Variants in LUZP2 observed in about 807,000 individuals in gnomAD.
LUZP2 encodes the protein leucine zipper protein 2.
LUZP2 carries 52 observed loss-of-function variants against 51.6 expected under a neutral mutation model. That is an observed-to-expected ratio of 1.01 (90% CI 0.81 to 1.27). The LOEUF is 1.27. Ranked by LOEUF, LUZP2 falls within the 50% of genes most tolerant of loss-of-function variation. The probability of loss-of-function intolerance (pLI) is 0.00; values close to 1 mark genes in which losing one functional copy is unlikely to be tolerated. For missense variants in LUZP2, 436 were observed against 395.4 expected (o/e 1.10, Z -0.87); for synonymous variants, 154 against 137.3 (o/e 1.12, Z -0.85).
chr11:25,035,296 A>C (rs192930477), intron 9 of LUZP2, among the ~76,000 whole-genome samples: 106 of 152,234 alleles, frequency 7.0e-4, no homozygotes, highest in African/African-American at 2.4e-3. Flanking sequence ...CATAAAAAAA[A>C]CTTCCAAAAG....
chr11:24,628,780 A>G (rs534963723), intron 1 of LUZP2, among the ~76,000 whole-genome samples: 122 of 152,218 alleles, frequency 8.0e-4, no homozygotes, highest in African/African-American at 2.8e-3. Context: ...GCTGATCTGG[A>G]ACTCCTGACC....
intron 9 of LUZP2, among the ~76,000 whole-genome samples, chr11:24,999,274 G>C (rs1195802864): frequency 6.6e-6 from 1 of 151,876 alleles, no homozygotes; most frequent in Admixed American, 6.6e-5. Context: ...ATTTCCAGAG[G>C]TATAGTAAAC....
chr11:24,515,705 G>A (rs745510094), intron 1 of LUZP2, among the ~76,000 whole-genome samples: 2 of 152,114 alleles, frequency 1.3e-5, no homozygotes, highest in African/African-American at 2.4e-5. Flanking sequence ...TGTGAAAGGT[G>A]CTAAAATAAA....
At chr11:24,570,491 T>C (rs1427810407) in intron 1 of LUZP2, among the ~76,000 whole-genome samples, 1 of 152,070 alleles carries the variant, frequency 6.6e-6, no homozygotes, top group Non-Finnish European at 1.5e-5. Flanking sequence ...AGCTTGTACA[T>C]CTTGATTTCA....
intron 9 of LUZP2, among the ~76,000 whole-genome samples, chr11:25,002,294 A>G (rs1856705019): frequency 6.6e-6 from 1 of 152,132 alleles, no homozygotes; most frequent in Non-Finnish European, 1.5e-5. Context: ...ATCGTTATAT[A>G]GGTTAAGGTC....
chr11:24,535,245 C>T (rs557465615), intron 1 of LUZP2, among the ~76,000 whole-genome samples: 8 of 151,272 alleles, frequency 5.3e-5, no homozygotes, highest in East Asian at 1.9e-4. Flanking sequence ...CTTATCAGGG[C>T]GGTGATTGCT....
intron 7 of LUZP2, among the ~76,000 whole-genome samples, chr11:24,951,145 G>A (rs777617916): frequency 6.6e-6 from 1 of 151,498 alleles, no homozygotes; most frequent in Non-Finnish European, 1.5e-5. Flanking sequence ...GTAGATTTGC[G>A]AGAATATACT....
chr11:24,653,232 C>T (rs1221683885), intron 1 of LUZP2, among the ~76,000 whole-genome samples: 1 of 152,144 alleles, frequency 6.6e-6, no homozygotes, highest in Non-Finnish European at 1.5e-5. Flanking sequence ...CAGGGGATAT[C>T]TGTCATCATG....
chr11:24,570,952 G>A (rs1852420807), intron 1 of LUZP2, among the ~76,000 whole-genome samples: 1 of 151,990 alleles, frequency 6.6e-6, no homozygotes, highest in Non-Finnish European at 1.5e-5. Flanking sequence ...AAATACCTAT[G>A]TTCAAATATT....
chr11:24,739,987 C>T (rs1859074979), intron 4 of LUZP2, among the ~76,000 whole-genome samples: 1 of 152,008 alleles, frequency 6.6e-6, no homozygotes, highest in Non-Finnish European at 1.5e-5. Flanking sequence ...CTTGTCGATC[C>T]CTCCTCCCAA....
At chr11:24,572,413 AT>A (rs916207388) in intron 1 of LUZP2, among the ~76,000 whole-genome samples, 3 of 151,970 alleles carry the variant, frequency 2.0e-5, no homozygotes, top group African/African-American at 7.2e-5. Context: ...CACAGAAGAC[AT>A]TTTACTCCAA....
intron 5 of LUZP2, among the ~76,000 whole-genome samples, chr11:24,882,871 AAAAT>A (rs1179014201): frequency 5.2e-5 from 7 of 135,348 alleles, no homozygotes; most frequent in African/African-American, 1.1e-4. Context: ...AGGAAGAAAG[AAAAT>A]AAAGAAAAAG....
chr11:25,025,963 A>T (rs1438483764), intron 9 of LUZP2, among the ~76,000 whole-genome samples: 1 of 152,174 alleles, frequency 6.6e-6, no homozygotes, highest in African/African-American at 2.4e-5. Context: ...CTATGCAGCC[A>T]TAGAAAGAAT....
Position 24,678,032 on chromosome 11 carries a change from G to A in LUZP2, c.63-51137G>A, listed in dbSNP as rs553268159. The stretch of plus-strand genomic sequence containing the variant: ...AGCCTGGGCGACAGAGCGAGACTCC[G>A]TCAAAAAAAAGAAAGAAAGAAAGAA... On this transcript the variant is annotated intron_variant, in intron 1 of 11. Coordinates refer to ENST00000336930, the MANE Select transcript of LUZP2 (RefSeq NM_001009909.4). 8.1e-5 allele frequency among the ~76,000 whole-genome samples: 10 copies of A among 122,794 alleles called. No homozygotes were observed. The East Asian group carries it at 1.4e-3, about 18-fold the overall frequency. The allele number at this position is 122,794 out of a possible 152,430, so 80.6% of individuals were successfully genotyped here. A position where few individuals can be genotyped will look rare whatever the true frequency, so the allele number is the denominator to read the frequency against.
intron 6 of LUZP2, among the ~76,000 whole-genome samples, chr11:24,908,667 G>T (rs1241705403): frequency 6.6e-6 from 1 of 151,978 alleles, no homozygotes; most frequent in Non-Finnish European, 1.5e-5. Context: ...ATAAAAAAGA[G>T]ATGTACCCAC....
intron 9 of LUZP2, among the ~76,000 whole-genome samples, chr11:25,027,991 C>T (rs1857545027): frequency 6.6e-6 from 1 of 151,892 alleles, no homozygotes; most frequent in Non-Finnish European, 1.5e-5. Context: ...ATATAATATA[C>T]TTTCCGTCTA....
intron 1 of LUZP2, among the ~76,000 whole-genome samples, chr11:24,644,792 TTGTC>T (rs1855414642): frequency 6.6e-6 from 1 of 152,178 alleles, no homozygotes; most frequent in Non-Finnish European, 1.5e-5. Flanking sequence ...TAAAATTAGT[TTGTC>T]TGGGGTTCTT....
intron 1 of LUZP2, among the ~76,000 whole-genome samples, chr11:24,532,495 T>C (rs1277773691): frequency 6.6e-6 from 1 of 151,004 alleles, no homozygotes; most frequent in African/African-American, 2.4e-5. Context: ...CTAAGAACCA[T>C]CTCAATTATA....
At chr11:24,800,618 T>G (rs2134115010) in intron 5 of LUZP2, among the ~76,000 whole-genome samples, 1 of 152,022 alleles carries the variant, frequency 6.6e-6, no homozygotes, top group East Asian at 1.9e-4. Flanking sequence ...TTCCAGGTCA[T>G]ATCCTCACTT....
Sources: gnomAD v4.1 joint callset for allele counts (sites outside exome capture counted in the v4.1 genomes callset) on GRCh38, gnomAD v4.1.1 for gene constraint, MANE v1.5 for transcripts, NCBI Gene and HGNC (gene_info 2026-07-23, HGNC 2026-07-21) for gene names.